DIPK1A: variants seen among roughly 807,000 people sequenced by gnomAD.
DIPK1A encodes the protein divergent protein kinase domain 1A, also known as family with sequence similarity 69 member A.
Under a neutral mutation model 40.8 loss-of-function variants are expected in DIPK1A, and 27 were observed. The ratio of observed to expected loss-of-function variants is 0.66; its 90% CI spans 0.49 to 0.91. The LOEUF is 0.91. DIPK1A is among the 40% of genes least tolerant of loss of function. The pLI is 0.00. For synonymous variants in DIPK1A, 166 were observed against 171.3 expected (o/e 0.97, Z 0.24); for missense variants, 412 against 505.7 (o/e 0.81, Z 1.78).
chr1:92,907,722 A>T (rs1428004150), intron 1 of DIPK1A, among the ~76,000 whole-genome samples: 1 of 152,136 alleles, frequency 6.6e-6, no homozygotes, highest in East Asian at 1.9e-4. Flanking sequence ...GATTACAGGC[A>T]TGAGCCACCA....
intron 1 of DIPK1A, among the ~76,000 whole-genome samples, chr1:92,942,933 G>A (rs972974760): frequency 6.6e-6 from 1 of 152,210 alleles, no homozygotes; most frequent in East Asian, 1.9e-4. Context: ...AAAGTGTTGG[G>A]AATACAGGCC....
At chr1:92,864,095 A>C (rs1043991098) in intron 2 of DIPK1A, among the ~76,000 whole-genome samples, 18 of 152,190 alleles carry the variant, frequency 1.2e-4, no homozygotes, top group African/African-American at 4.3e-4. Context: ...CAACAAAAAA[A>C]CCCAGTATGT....
At chr1:92,930,310 C>T (rs1276786710) in intron 1 of DIPK1A, among the ~76,000 whole-genome samples, 1 of 152,198 alleles carries the variant, frequency 6.6e-6, no homozygotes, top group Non-Finnish European at 1.5e-5. Context: ...ATGGTTCCCA[C>T]TCCCCATTGG....
Position 92,843,992 on chromosome 1 carries a change from A to G in DIPK1A, c.678T>C (p.Tyr226=). The change falls in exon 5 of 5, where the codon TAT becomes TAC. Residue 226 remains tyrosine (Y), a synonymous_variant. Transcript: ENST00000370310. ...PKLMGFCGDL[Y]VMESVEYTSL... The stretch of plus-strand genomic sequence containing the variant: ...AGGTATATTCAACACTTTCCATCAC[A>G]TAGAGGTCACCACAGAATCCCATTA... 4 of 1,552,174 alleles carry G rather than the reference A, an allele frequency of 2.6e-6. No individual in the cohort carries two copies. The highest frequency in any genetic ancestry group is 1.2e-5 in the South Asian group (1 of 84,060).
intron 1 of DIPK1A, among the ~76,000 whole-genome samples, chr1:92,887,774 C>T (rs1307028685): frequency 6.6e-6 from 1 of 152,130 alleles, no homozygotes; most frequent in Non-Finnish European, 1.5e-5. Flanking sequence ...GACTATTCGT[C>T]ATTTTACAGA....
Position 92,916,533 on chromosome 1 carries a change from C to T in DIPK1A, c.55-40103G>A, listed in dbSNP as rs560950240. Among the ~76,000 whole-genome samples, 3 of 152,194 alleles carry T rather than the reference C, an allele frequency of 2.0e-5. No homozygotes were observed. The South Asian group carries it at 6.2e-4, about 32-fold the overall frequency. On this transcript the variant is annotated intron_variant, in intron 1 of 4. Coordinates refer to ENST00000370310, the MANE Select transcript of DIPK1A (RefSeq NM_001006605.5). ...GCCAGGCTGGTCTCGAACTCCTGAC[C>T]TCAGGTGATCCACCTGCCTTGGCCT...
At chr1:92,910,259 T>C (rs536560368) in intron 1 of DIPK1A, among the ~76,000 whole-genome samples, 1 of 152,348 alleles carries the variant, frequency 6.6e-6, no homozygotes, top group South Asian at 2.1e-4. Context: ...TTATTGTTCA[T>C]AATTGTTGAT....
intron 2 of DIPK1A, among the ~76,000 whole-genome samples, chr1:92,861,546 C>CT (rs1045620661): frequency 6.6e-6 from 1 of 152,010 alleles, no homozygotes; most frequent in Admixed American, 6.6e-5. Flanking sequence ...AGGCTGGTCT[C>CT]TAACTCTTGG....
intron 4 of DIPK1A, among the ~76,000 whole-genome samples, chr1:92,835,679 A>AT (rs2100683196): frequency 6.6e-6 from 1 of 151,096 alleles, no homozygotes; most frequent in East Asian, 1.9e-4. Context: ...AAAAAAAAAA[A>AT]TGAGAATCTT....
intron 1 of DIPK1A, among the ~76,000 whole-genome samples, chr1:92,950,797 C>T (rs758013904): frequency 6.6e-6 from 1 of 152,104 alleles, no homozygotes; most frequent in Non-Finnish European, 1.5e-5. Flanking sequence ...ATTTTCCTTC[C>T]TTTAATAAAC....
At chr1:92,886,987 T>C (rs1648629893) in intron 1 of DIPK1A, among the ~76,000 whole-genome samples, 1 of 152,028 alleles carries the variant, frequency 6.6e-6, no homozygotes, top group African/African-American at 2.4e-5. Context: ...CCGAAATAGT[T>C]TGCTGACCTC....
At position 92,843,995 on chromosome 1, in the gene DIPK1A, G is replaced by A. The variant is rs1687490625; in HGVS notation, c.675C>T (p.Leu225=). The A allele has an allele frequency of 6.4e-7, 1 of 1,551,952 alleles. No individual in the cohort carries two copies. Among genetic ancestry groups the A allele is most frequent in the Non-Finnish European group, 8.7e-7 (1 of 1,147,078 alleles). Residue 225 remains leucine, a synonymous_variant, in exon 5 of 5, where the codon CTC becomes CTT. Coordinates refer to ENST00000370310, the MANE Select transcript of DIPK1A (RefSeq NM_001006605.5). ...TPKLMGFCGD[L]YVMESVEYTS... is the part of the protein sequence containing the mutation. ...TATATTCAACACTTTCCATCACATA[G>A]AGGTCACCACAGAATCCCATTAATT...
chr1:92,843,713 C>G lies in DIPK1A; in HGVS notation c.957G>C (p.Glu319Asp), dbSNP rs1030346809. Residue 319 changes from glutamate (E) to aspartate (D), a missense_variant, in exon 5 of 5, where the codon GAG (glutamate) becomes GAC (aspartate). Transcript: ENST00000370310. ...CCTTAATAAGTTCTTTCAGGTTTGT[C>G]TCTGGCACAATTTTTCTCATATCCA... ...KMVDMRKIVP[E>D]TNLKELIKDR... 6.4e-7 allele frequency: 1 copy of G among 1,551,610 alleles called. No individual in the cohort carries two copies. The highest frequency in any genetic ancestry group is 1.4e-5 in the African/African-American group (1 of 73,040).
chr1:92,950,585 A>C (rs11164843), intron 1 of DIPK1A, among the ~76,000 whole-genome samples: 47,451 of 152,068 alleles, frequency 0.31, 7,942 homozygotes, highest in Non-Finnish European at 0.36. Flanking sequence ...AATGAAGATG[A>C]GATGATGCAT....
chr1:92,923,605 A>G (rs945456216), intron 1 of DIPK1A, among the ~76,000 whole-genome samples: 19 of 152,250 alleles, frequency 1.2e-4, no homozygotes, highest in Non-Finnish European at 5.9e-5. Context: ...TGAAAGTTTT[A>G]TAAGTCCCAT....
intron 1 of DIPK1A, among the ~76,000 whole-genome samples, chr1:92,885,666 C>T (rs925240978): frequency 1.1e-4 from 17 of 152,116 alleles, no homozygotes; most frequent in Non-Finnish European, 2.5e-4. Context: ...CCATCTAATC[C>T]ATTCTAATCA....
intron 3 of DIPK1A, among the ~76,000 whole-genome samples, chr1:92,848,709 C>T (rs987459443): frequency 1.3e-5 from 2 of 152,286 alleles, no homozygotes; most frequent in Non-Finnish European, 2.9e-5. Context: ...TCTCATCTCA[C>T]ATTAGAACAT....
intron 1 of DIPK1A, among the ~76,000 whole-genome samples, chr1:92,916,736 A>G (rs1042690206): frequency 6.6e-6 from 1 of 152,230 alleles, no homozygotes; most frequent in South Asian, 2.1e-4. Flanking sequence ...GTTCATTTTT[A>G]TAAGTCTCTA....
Position 92,847,374 on chromosome 1 carries a change from G to A in DIPK1A, c.298-15C>T. ...CCTAAATACATCTATGTAAAAAAGA[G>A]TGGCAAGTTATGTATTATACTGAGT... On this transcript the variant is annotated splice_polypyrimidine_tract_variant and intron_variant, in intron 3 of 4. Transcript: ENST00000370310. 6.3e-7 allele frequency: 1 copy of A among 1,581,306 alleles called. No homozygotes were observed. Among genetic ancestry groups the A allele is most frequent in the Non-Finnish European group, 8.6e-7 (1 of 1,162,734 alleles).
Sources: allele counts gnomAD v4.1 joint callset (sites outside exome capture counted in the v4.1 genomes callset), GRCh38; gene constraint gnomAD v4.1.1; transcripts MANE v1.5; gene names NCBI Gene and HGNC (gene_info 2026-07-23, HGNC 2026-07-21).